The following NOS1 variants were observed in gnomAD, a reference collection of about 807,000 sequenced individuals.
The protein encoded by NOS1 is NOS type I.
NOS1 carries 51 observed loss-of-function variants against 164.5 expected under a neutral mutation model. That is an observed-to-expected ratio of 0.31 (90% CI 0.25 to 0.39). The LOEUF (loss-of-function observed/expected upper bound fraction) is 0.39. Among genes scored for constraint, NOS1 ranks in the 10% least tolerant of loss-of-function variants. The pLI is 1.00. For missense variants in NOS1, 1,362 were observed against 1,885.6 expected, an observed-to-expected ratio of 0.72 and a Z score of 5.14; for synonymous variants, 719 against 745.8, an observed-to-expected ratio of 0.96 and a Z score of 0.59.
At chr12:117,264,347 A>T (rs1355308723) in intron 12 of NOS1, among the ~76,000 whole-genome samples, 1 of 151,974 alleles carries the variant, frequency 6.6e-6, no homozygotes, top group Non-Finnish European at 1.5e-5. Context: ...ATCATAGCTC[A>T]CTGCAGCCTT....
In NOS1 at chr12:117,214,742, TTTC is replaced by T. The variant is rs1361803203; in HGVS notation, c.*564_*566del. 4.8e-5 allele frequency: 47 copies of T among 985,084 alleles called. No homozygotes were observed. The highest frequency in any genetic ancestry group is 5.7e-5 in the Non-Finnish European group (47 of 829,938). 61.0% of individuals were successfully genotyped at this position (985,084 alleles called of 1,614,324 possible). A position where few individuals can be genotyped will look rare whatever the true frequency, so the allele number is the denominator to read the frequency against. On this transcript the variant is annotated 3_prime_UTR_variant, in exon 29 of 29. Coordinates refer to ENST00000317775, the MANE Select transcript of NOS1 (RefSeq NM_000620.5). ...GGGATTAATATGGGCCAGGGACACG[TTTC>T]TTGGCATTGAGGGTCTTCAATGAAA... is the stretch of plus-strand genomic sequence containing the variant.
intron 22 of NOS1, among the ~76,000 whole-genome samples, 166 bp from the exon 23 acceptor site, chr12:117,227,807 A>T (rs888082270): frequency 2.6e-5 from 4 of 152,144 alleles, no homozygotes; most frequent in Non-Finnish European, 4.4e-5. Context: ...AGAGAGGATC[A>T]CTTGAGGCTA....
At chr12:117,221,818 ATTTTTTT>A (rs3070338) in intron 26 of NOS1, among the ~76,000 whole-genome samples, 3,463 of 111,586 alleles carry the variant, frequency 0.031, 123 homozygotes, top group African/African-American at 0.11. Flanking sequence ...GCTAACTTAA[ATTTTTTT>A]TTTTTTTTTT....
At chr12:117,227,763 A>C in intron 22 of NOS1, 122 bp from the exon 23 acceptor site, 3 of 871,646 alleles carry the variant, frequency 3.4e-6, no homozygotes, top group Non-Finnish European at 5.6e-6. Context: ...GCAGTGGCTC[A>C]TGCTTGTAAT....
chr12:117,305,916 C>T (rs534430406), intron 3 of NOS1, among the ~76,000 whole-genome samples: 42 of 151,840 alleles, frequency 2.8e-4, no homozygotes, highest in Admixed American at 1.2e-3. Context: ...CTCAGCCTCC[C>T]GAGTAGCTAG....
Position 117,234,484 on chromosome 12 carries a change from G to C in NOS1, c.3235+81C>G. ...ACTCTCCTGCCTGGACTGGTGATTG[G>C]GAAGAAAAGGTATCTTCTTCCCGAG... On this transcript the variant is annotated intron_variant, in intron 21 of 28. Coordinates refer to ENST00000317775, the MANE Select transcript of NOS1 (RefSeq NM_000620.5). This position sits in a 1 kb window ranked among gnomAD's most constrained non-coding sequence, Gnocchi z 4.3. 6.9e-7 allele frequency: 1 copy of C among 1,445,604 alleles called. No homozygotes were observed. 89.5% of individuals were successfully genotyped at this position (1,445,604 alleles called of 1,614,324 possible). A position where few individuals can be genotyped will look rare whatever the true frequency, so the allele number is the denominator to read the frequency against.
intron 3 of NOS1, among the ~76,000 whole-genome samples, chr12:117,290,975 G>A (rs1019726022): frequency 5.3e-5 from 8 of 152,150 alleles, no homozygotes; most frequent in Admixed American, 2.0e-4. Flanking sequence ...CACTCTGGGA[G>A]CCCGAGGTGG....
intron 10 of NOS1, among the ~76,000 whole-genome samples, chr12:117,271,115 T>C (rs1044307051): frequency 2.0e-5 from 3 of 152,028 alleles, no homozygotes; most frequent in Non-Finnish European, 2.9e-5. Context: ...AAGAATCTCC[T>C]GGGGAACTTT....
Position 117,208,792 on chromosome 12 carries a change from G to A in NOS1, c.*6517C>T, listed in dbSNP as rs1381989728. On this transcript the variant is annotated 3_prime_UTR_variant, in exon 29 of 29. Transcript: ENST00000317775. ...AGCTGGAGTGCAGTGGTGCCATCTC[G>A]GCTCACTGCAGCCTCTGCCTCCTGG... 12 of 930,888 alleles carry A rather than the reference G, an allele frequency of 1.3e-5. No homozygotes were observed. The highest frequency in any genetic ancestry group is 1.5e-5 in the Non-Finnish European group (12 of 782,932). 57.7% of individuals were successfully genotyped at this position (930,888 alleles called of 1,614,324 possible).
chr12:117,212,806 A>C lies in NOS1; in HGVS notation c.*2503T>G, dbSNP rs1956548652. 2.0e-6 allele frequency: 2 copies of C among 985,292 alleles called. No individual in the cohort carries two copies. Among genetic ancestry groups the C allele is most frequent in the African/African-American group, 1.7e-5 (1 of 57,222 alleles). The allele number at this position is 985,292 out of a possible 1,614,324, so 61.0% of individuals were successfully genotyped here. ...TCCCCACCCTTGATCTGAGCCTAAC[A>C]ATCTGGACTCCACTCTGGTCCTTGA... On this transcript the variant is annotated 3_prime_UTR_variant, in exon 29 of 29. Transcript: ENST00000317775.
rs199870977 is a variant in NOS1 at position 117,330,606 on chromosome 12, G to A, written c.464C>T (p.Pro155Leu). 116 of 1,611,850 alleles carry A rather than the reference G, an allele frequency of 7.2e-5. No homozygotes were observed. The African/African-American group carries it at 1.1e-3, about 16-fold the overall frequency. ...GTAGGCATGCTGAGGCCCATTCCCG[G>A]GACCCGAGGCCCCATCCACTGCCAG... ...QPLAVDGASG[P>L]GNGPQHAYDD... is the part of the protein sequence containing the mutation. The change falls in exon 2 of 29, where the codon CCC (proline) becomes CTC (leucine). Residue 155 changes from proline to leucine, a missense_variant. Physicochemically the swap from Pro to Leu is moderately conservative, Grantham distance 98. This residue lies in a region of NOS1 where 362 missense variants were observed against 402.0 expected (regional missense o/e 0.90). Transcript: ENST00000317775. This position sits in a 1 kb window ranked among gnomAD's most constrained non-coding sequence, Gnocchi z 4.6.
Position 117,210,032 on chromosome 12 carries a change from G to A in NOS1, c.*5277C>T. 16 of 949,474 alleles carry A rather than the reference G, an allele frequency of 1.7e-5. No individual in the cohort carries two copies. The highest frequency in any genetic ancestry group is 2.0e-5 in the Non-Finnish European group (16 of 797,096). The allele number at this position is 949,474 out of a possible 1,614,324, so 58.8% of individuals were successfully genotyped here. The stretch of plus-strand genomic sequence containing the variant: ...CTGTCACTCAGGCTGGAGTGCAGTG[G>A]TGCGATCCTAGCTCACTGTCGCCTC... On this transcript the variant is annotated 3_prime_UTR_variant, in exon 29 of 29. Transcript: ENST00000317775.
chr12:117,289,081 A>G (rs1804122831), intron 4 of NOS1, among the ~76,000 whole-genome samples: 1 of 152,252 alleles, frequency 6.6e-6, no homozygotes, highest in East Asian at 1.9e-4. Flanking sequence ...TTACATTGTA[A>G]TAGCTTGCAG....
At chr12:117,285,839 G>A (rs894154460) in intron 6 of NOS1, among the ~76,000 whole-genome samples, 5 of 152,102 alleles carry the variant, frequency 3.3e-5, no homozygotes, top group East Asian at 1.9e-4. Context: ...TGAGGTCTGC[G>A]GTCAACTGAA....
At position 117,353,293 on chromosome 12, in the gene NOS1, ATCTG is replaced by A. The variant is rs201011460; in HGVS notation, c.-421+8215_-421+8218del. ...TCTATCCTCTAGCTATTATCTATCT[ATCTG>A]TCTATCTATCATCTATCTACCTACC... On this transcript the variant is annotated intron_variant, in intron 1 of 28. Coordinates refer to ENST00000317775, the MANE Select transcript of NOS1 (RefSeq NM_000620.5). Among the ~76,000 whole-genome samples the A allele has an allele frequency of 7.0e-4, 107 of 151,846 alleles. 1 individual carries two copies. Among genetic ancestry groups the A allele is most frequent in the Middle Eastern group, 3.4e-3 (1 of 294 alleles).
rs1259344129 is a variant in NOS1, at chr12:117,265,364, G to A, written c.2088C>T (p.Phe696=). ...PPMSGSITPV[F]HQEMLNYRLT... Reference sequence around the variant, plus strand: ...GCCGGTAGTTGAGCATCTCCTGGTGGAACACAGGGGTGATGCTTCCGGACA... The same window carrying A: ...GCCGGTAGTTGAGCATCTCCTGGTGAAACACAGGGGTGATGCTTCCGGACA... Residue 696 remains phenylalanine, a synonymous_variant, in exon 12 of 29, where the codon TTC becomes TTT. Coordinates refer to ENST00000317775, the MANE Select transcript of NOS1 (RefSeq NM_000620.5). The A allele has an allele frequency of 6.3e-7, 1 of 1,577,398 alleles. No individual in the cohort carries two copies.
At chr12:117,265,533 G>A in intron 11 of NOS1, 23 bp from the exon 12 acceptor site, 1 of 1,460,782 alleles carries the variant, frequency 6.8e-7, no homozygotes, top group Admixed American at 2.4e-5. Flanking sequence ...AGGGGACAGG[G>A]GTCAGGAGGT....
At chr12:117,334,307 G>T (rs1433581886) in intron 1 of NOS1, among the ~76,000 whole-genome samples, 1 of 152,150 alleles carries the variant, frequency 6.6e-6, no homozygotes, top group Non-Finnish European at 1.5e-5. Context: ...AAGGAAGCTG[G>T]GCTGGGGAGA....
intron 20 of NOS1, among the ~76,000 whole-genome samples, chr12:117,236,534 C>T (rs10774910): frequency 0.46 from 69,480 of 152,028 alleles, 18,468 homozygotes; most frequent in African/African-American, 0.72. Flanking sequence ...CATGGGCAGA[C>T]CTTGCCCTGT....
Sources: allele counts gnomAD v4.1 joint callset (sites outside exome capture counted in the v4.1 genomes callset), GRCh38; gene constraint gnomAD v4.1.1; regional missense constraint gnomAD v4.1.1; non-coding constraint Gnocchi (gnomAD v3.1); transcripts MANE v1.5; gene names NCBI Gene and HGNC (gene_info 2026-07-23, HGNC 2026-07-21).